The following RPS6KC1 variants were observed in gnomAD, a reference collection of about 807,000 sequenced individuals.
The protein encoded by RPS6KC1 is ribosomal protein S6 kinase C1.
Under a neutral mutation model 103.8 loss-of-function variants are expected in RPS6KC1, and 54 were observed. The ratio of observed to expected loss-of-function variants is 0.52; its 90% CI spans 0.42 to 0.65. RPS6KC1 has a LOEUF of 0.65. Ranked by LOEUF, RPS6KC1 falls within the 30% of genes least tolerant of loss-of-function variation. RPS6KC1 has a pLI of 0.00. For synonymous variants in RPS6KC1, 439 were observed against 438.7 expected, an observed-to-expected ratio of 1.00 and a Z score of -0.01; for missense variants, 1,151 against 1,253.8, an observed-to-expected ratio of 0.92 and a Z score of 1.24.
chr1:213,431,721 G>C, the RPS6KC1 span, among the ~76,000 whole-genome samples: 11 of 151,512 alleles, frequency 7.3e-5, no homozygotes, highest in East Asian at 2.1e-3. Context: ...GTAGACATTT[G>C]AGTTGTTTTT....
intron 4 of RPS6KC1, among the ~76,000 whole-genome samples, chr1:213,116,178 G>T (rs908169693): frequency 3.3e-5 from 5 of 152,092 alleles, no homozygotes; most frequent in Admixed American, 6.5e-5. Context: ...TTATTAATGT[G>T]TGGTAGTCTA....
intron 13 of RPS6KC1, among the ~76,000 whole-genome samples, chr1:213,261,882 T>C (rs1401659403): frequency 2.0e-5 from 3 of 152,172 alleles, no homozygotes; most frequent in Admixed American, 6.5e-5. Context: ...CATAGTGAAA[T>C]ATGACTAAAA....
intron 12 of RPS6KC1, 63 bp downstream of exon 12, chr1:213,242,721 T>C: frequency 1.7e-6 from 2 of 1,193,238 alleles, no homozygotes; most frequent in Non-Finnish European, 2.4e-6. Context: ...CATTTCTTTA[T>C]AGAAGTTGTA....
intron 4 of RPS6KC1, among the ~76,000 whole-genome samples, chr1:213,114,825 G>C (rs368221888): frequency 1.3e-5 from 2 of 152,094 alleles, no homozygotes; most frequent in Admixed American, 6.6e-5. Context: ...TGGTTTTTGT[G>C]TTTGGTTCTG....
intron 3 of RPS6KC1, among the ~76,000 whole-genome samples, chr1:213,085,071 C>T (rs1261638808): frequency 1.3e-5 from 2 of 152,166 alleles, no homozygotes; most frequent in African/African-American, 2.4e-5. Flanking sequence ...TTATGAAGGC[C>T]AAAGTCTGAA....
chr1:213,457,372 G>A, the RPS6KC1 span, among the ~76,000 whole-genome samples: 3 of 152,242 alleles, frequency 2.0e-5, no homozygotes, highest in African/African-American at 7.2e-5. Context: ...TGCTTTGACT[G>A]TTTGACTTCC....
At chr1:213,113,458 A>C (rs1456672997) in intron 4 of RPS6KC1, among the ~76,000 whole-genome samples, 1 of 150,740 alleles carries the variant, frequency 6.6e-6, no homozygotes. Flanking sequence ...TCTGGATATT[A>C]GCCCTTTGTC....
chr1:213,345,267 A>G, the RPS6KC1 span, among the ~76,000 whole-genome samples: 214 of 152,338 alleles, frequency 1.4e-3, no homozygotes, highest in African/African-American at 5.0e-3. Flanking sequence ...AAATGTCCCA[A>G]TTACCTTCTC....
At chr1:213,290,030 C>G in the RPS6KC1 span, among the ~76,000 whole-genome samples, 1 of 151,134 alleles carries the variant, frequency 6.6e-6, no homozygotes. Flanking sequence ...CAGAGCAAGA[C>G]TCAGTCTCCA....
At chr1:213,227,345 A>G (rs1384660278) in intron 8 of RPS6KC1, among the ~76,000 whole-genome samples, 1 of 152,240 alleles carries the variant, frequency 6.6e-6, no homozygotes, top group Non-Finnish European at 1.5e-5. Context: ...TTAAACATTT[A>G]CTGTGTGAGA....
At chr1:213,218,213 ATTC>A (rs2093722298) in intron 8 of RPS6KC1, among the ~76,000 whole-genome samples, 1 of 152,178 alleles carries the variant, frequency 6.6e-6, no homozygotes, top group Non-Finnish European at 1.5e-5. Flanking sequence ...AATCACAAGC[ATTC>A]TTATACACCA....
At chr1:213,248,173 A>G (rs1368521689) in intron 12 of RPS6KC1, among the ~76,000 whole-genome samples, 2 of 152,164 alleles carry the variant, frequency 1.3e-5, no homozygotes, top group African/African-American at 4.8e-5. Context: ...ATTTCAAAAT[A>G]ATAATGACAT....
chr1:213,125,776 G>C (rs2084925786), intron 5 of RPS6KC1: 1 of 151,638 alleles, frequency 6.6e-6, no homozygotes, highest in African/African-American at 2.4e-5. Context: ...GTATTTTAAT[G>C]GTCTTACTTT....
At chr1:213,697,880 A>G in the RPS6KC1 span, among the ~76,000 whole-genome samples, 1 of 152,078 alleles carries the variant, frequency 6.6e-6, no homozygotes, top group Non-Finnish European at 1.5e-5. Flanking sequence ...ATTATTTTTG[A>G]TTTCCAGCTA....
the RPS6KC1 span, among the ~76,000 whole-genome samples, chr1:213,337,820 C>T: frequency 6.6e-6 from 1 of 152,112 alleles, no homozygotes; most frequent in African/African-American, 2.4e-5. Context: ...TCATTGCCCT[C>T]GTGCAGCGTA....
chr1:213,538,812 A>G, the RPS6KC1 span, among the ~76,000 whole-genome samples: 2 of 152,236 alleles, frequency 1.3e-5, no homozygotes, highest in East Asian at 1.9e-4. Flanking sequence ...TAAGTAAAAT[A>G]CTTATGGGCT....
rs756391516 is a variant in RPS6KC1 at position 213,241,300 on chromosome 1, C to T, written c.1824C>T (p.Ser608=). The T allele has an allele frequency of 4.6e-5, 74 of 1,613,798 alleles. No individual in the cohort carries two copies. The highest frequency in any genetic ancestry group is 7.7e-5 in the South Asian group (7 of 91,082). ...MEFFRIDSKD[S]ASELLGLDFG... ...TCTTTAGGATAGACAGTAAGGATAG[C>T]GCAAGTGAACTCCTGGGACTTGACT... The change falls in exon 11 of 15, where the codon AGC becomes AGT. Residue 608 remains serine, a synonymous_variant. Coordinates refer to ENST00000366960, the MANE Select transcript of RPS6KC1 (RefSeq NM_012424.6).
the RPS6KC1 span, among the ~76,000 whole-genome samples, chr1:213,322,365 A>ACT: frequency 1.3e-5 from 2 of 152,196 alleles, no homozygotes; most frequent in Non-Finnish European, 2.9e-5. Context: ...TGTAGTTCAC[A>ACT]CTGAGATAGG....
the RPS6KC1 span, among the ~76,000 whole-genome samples, chr1:213,370,248 A>ATTTATTGTAT: frequency 7.0e-6 from 1 of 142,086 alleles, no homozygotes; most frequent in Non-Finnish European, 1.5e-5. Flanking sequence ...ATTTTATTTT[A>ATTTATTGTAT]TTTATTTTAT....
Sources: gnomAD v4.1 joint callset for allele counts (sites outside exome capture counted in the v4.1 genomes callset) on GRCh38, gnomAD v4.1.1 for gene constraint, MANE v1.5 for transcripts, NCBI Gene and HGNC (gene_info 2026-07-23, HGNC 2026-07-21) for gene names.